CALCRL: variants seen among roughly 807,000 people sequenced by gnomAD.
CALCRL encodes calcitonin gene-related peptide type 1 receptor.
A neutral mutation model predicts 60.4 loss-of-function variants in CALCRL; 27 were observed. That is an observed-to-expected ratio of 0.45 (90% CI 0.33 to 0.62). The LOEUF (loss-of-function observed/expected upper bound fraction) is 0.62. Among genes scored for constraint, CALCRL ranks in the 20% least tolerant of loss-of-function variants. CALCRL has a pLI of 0.03. For synonymous variants in CALCRL, 190 were observed against 182.6 expected (o/e 1.04, Z -0.33); for missense variants, 424 against 540.7 (o/e 0.78, Z 2.14).
chr2:187,389,565 A>G (rs1688347970), intron 1 of CALCRL, among the ~76,000 whole-genome samples: 1 of 152,194 alleles, frequency 6.6e-6, no homozygotes, highest in Non-Finnish European at 1.5e-5. Context: ...AAAAGTTACA[A>G]CAATATCCCA....
chr2:187,398,396 G>A (rs1293112756), intron 1 of CALCRL, among the ~76,000 whole-genome samples: 2 of 151,476 alleles, frequency 1.3e-5, no homozygotes, highest in African/African-American at 4.8e-5. Context: ...GCAAAATTAT[G>A]ATATTCTTGT....
At chr2:187,435,945 G>A (rs1164095105) in intron 1 of CALCRL, among the ~76,000 whole-genome samples, 1 of 150,028 alleles carries the variant, frequency 6.7e-6, no homozygotes, top group East Asian at 2.0e-4. Context: ...TTGTAATTTG[G>A]ATTATTACCA....
chr2:187,353,763 TAATG>T (rs1686644599), intron 12 of CALCRL, among the ~76,000 whole-genome samples: 1 of 151,996 alleles, frequency 6.6e-6, no homozygotes, highest in African/African-American at 2.4e-5. Flanking sequence ...AAAAAGATAA[TAATG>T]CTCTTTTATC....
rs1686210435 is a variant in CALCRL at position 187,344,738 on chromosome 2, C to A, written c.*1446G>T. 6.6e-6 allele frequency: 1 copy of A among 151,458 alleles called. No homozygotes were observed. Among genetic ancestry groups the A allele is most frequent in the African/African-American group, 2.4e-5 (1 of 41,312 alleles). The allele number at this position is 151,458 out of a possible 1,614,324, so 9.4% of individuals were successfully genotyped here. On this transcript the variant is annotated 3_prime_UTR_variant, in exon 15 of 15. Transcript: ENST00000392370. Reference sequence around the variant, plus strand: ...CATTGTATATGGTATATATAGTATCCTTCTAGTTTTTTATATTTCTTGAAT... The same window carrying A: ...CATTGTATATGGTATATATAGTATCATTCTAGTTTTTTATATTTCTTGAAT...
intron 1 of CALCRL, among the ~76,000 whole-genome samples, chr2:187,416,173 A>G (rs1309184124): frequency 2.0e-5 from 3 of 152,242 alleles, no homozygotes; most frequent in Non-Finnish European, 2.9e-5. Context: ...TCATTTCACA[A>G]TCTATAGATA....
intron 9 of CALCRL, among the ~76,000 whole-genome samples, chr2:187,361,540 G>A (rs559819913): frequency 1.3e-5 from 2 of 151,834 alleles, no homozygotes; most frequent in African/African-American, 4.8e-5. Context: ...CATTATTTTT[G>A]AAATAGTTTT....
chr2:187,423,532 G>T (rs116438717), intron 1 of CALCRL, among the ~76,000 whole-genome samples: 2 of 151,706 alleles, frequency 1.3e-5, no homozygotes, highest in African/African-American at 4.8e-5. Flanking sequence ...TAATTATCTG[G>T]TTATAAATTC....
intron 12 of CALCRL, among the ~76,000 whole-genome samples, chr2:187,353,650 G>T (rs1453357999): frequency 2.6e-5 from 4 of 151,924 alleles, no homozygotes; most frequent in Non-Finnish European, 5.9e-5. Context: ...AGCAGAATAA[G>T]CCATTTCAAC....
intron 1 of CALCRL, among the ~76,000 whole-genome samples, chr2:187,436,068 G>A (rs892979818): frequency 6.6e-6 from 1 of 152,014 alleles, no homozygotes; most frequent in African/African-American, 2.4e-5. Flanking sequence ...CATACTTCTT[G>A]TTATTTATTG....
At position 187,363,412 on chromosome 2, in the gene CALCRL, T is replaced by C; in HGVS notation, c.591A>G (p.Ala197=). The part of the protein sequence containing the change: ...NSVVTIIHLT[A]VANNQALVAT... ...CTACTAAGGCCTGGTTGTTGGCCAC[T>C]GCAGTGAGGTGAATGATTGTTACAA... Residue 197 remains alanine (A), a synonymous_variant, in exon 9 of 15, where the codon GCA becomes GCG. Coordinates refer to ENST00000392370, the MANE Select transcript of CALCRL (RefSeq NM_005795.6). 7 of 1,612,388 alleles carry C rather than the reference T, an allele frequency of 4.3e-6. No individual in the cohort carries two copies. Among genetic ancestry groups the C allele is most frequent in the Non-Finnish European group, 5.9e-6 (7 of 1,179,070 alleles).
At chr2:187,427,206 T>G (rs2105885543) in intron 1 of CALCRL, among the ~76,000 whole-genome samples, 1 of 152,326 alleles carries the variant, frequency 6.6e-6, no homozygotes, top group African/African-American at 2.4e-5. Context: ...AAGTTTTCTC[T>G]GGCAGATCAG....
intron 12 of CALCRL, among the ~76,000 whole-genome samples, chr2:187,358,671 T>C (rs1170277648): frequency 2.0e-5 from 3 of 152,030 alleles, no homozygotes; most frequent in Non-Finnish European, 4.4e-5. Flanking sequence ...GGAATAAAGA[T>C]AAATTTGAGT....
At chr2:187,372,580 T>A (rs1173749750) in intron 8 of CALCRL, among the ~76,000 whole-genome samples, 2 of 152,168 alleles carry the variant, frequency 1.3e-5, no homozygotes, top group Non-Finnish European at 2.9e-5. Context: ...GACTTTTCTC[T>A]CTCTAAATAA....
At chr2:187,382,388 A>G (rs879289331) in intron 5 of CALCRL, among the ~76,000 whole-genome samples, 1 of 152,228 alleles carries the variant, frequency 6.6e-6, no homozygotes, top group Non-Finnish European at 1.5e-5. Context: ...GAAACTTTAC[A>G]AAGATATTCC....
At chr2:187,431,748 T>C (rs1690417143) in intron 1 of CALCRL, among the ~76,000 whole-genome samples, 1 of 110,472 alleles carries the variant, frequency 9.1e-6, no homozygotes, top group Non-Finnish European at 1.8e-5. Context: ...TCATGGAGCT[T>C]ATATTATAAG....
At chr2:187,398,270 CAA>C (rs1371044662) in intron 1 of CALCRL, among the ~76,000 whole-genome samples, 1 of 151,682 alleles carries the variant, frequency 6.6e-6, no homozygotes, top group Non-Finnish European at 1.5e-5. Flanking sequence ...TTTCCTTCCA[CAA>C]AGTCAGGAGT....
chr2:187,350,842 GTC>G (rs891118157), intron 14 of CALCRL, among the ~76,000 whole-genome samples: 2 of 151,630 alleles, frequency 1.3e-5, no homozygotes, highest in Non-Finnish European at 3.0e-5. Context: ...AAGTGTCTGT[GTC>G]TCACTCAGCT....
chr2:187,431,345 T>C lies in CALCRL; in HGVS notation c.-293+16694A>G, dbSNP rs531704111. On this transcript the variant is annotated intron_variant, in intron 1 of 14. Coordinates refer to ENST00000392370, the MANE Select transcript of CALCRL (RefSeq NM_005795.6). ...TTTGACAGATGGTAGCACAAGTGGT[T>C]GGTGTATCATCGTAGGACCCTAGAT... The C allele has an allele frequency of 1.0e-4, 16 of 155,318 alleles. 1 individual carries two copies. The highest frequency in any genetic ancestry group is 3.3e-4 in the Admixed American group (5 of 15,298). 9.6% of individuals were successfully genotyped at this position (155,318 alleles called of 1,614,324 possible). A position where few individuals can be genotyped will look rare whatever the true frequency, so the allele number is the denominator to read the frequency against.
chr2:187,447,947 G>T (rs1574340159), intron 1 of CALCRL, 92 bp downstream of exon 1: 1 of 152,114 alleles, frequency 6.6e-6, no homozygotes, highest in South Asian at 2.1e-4. Flanking sequence ...CATTATTTCA[G>T]TGCTATCTAC....
Sources: allele counts gnomAD v4.1 joint callset (sites outside exome capture counted in the v4.1 genomes callset), GRCh38; gene constraint gnomAD v4.1.1; transcripts MANE v1.5; gene names NCBI Gene and HGNC (gene_info 2026-07-23, HGNC 2026-07-21).